The following DUSP22 variants were observed in gnomAD, a reference collection of about 807,000 sequenced individuals.
The protein encoded by DUSP22 is dual specificity protein phosphatase 22.
In DUSP22, 24 loss-of-function variants were observed where a neutral mutation model predicts 24.5. The ratio of observed to expected loss-of-function variants is 0.98; its 90% CI spans 0.71 to 1.38. DUSP22 has a LOEUF of 1.38. Ranked by LOEUF, DUSP22 falls within the 40% of genes most tolerant of loss-of-function variation. The pLI is 0.00. For missense variants in DUSP22, 330 were observed against 269.2 expected (o/e 1.23, Z -1.58); for synonymous variants, 160 against 106.4 (o/e 1.50, Z -3.10).
chr6:304,574 A>G (rs368899941), intron 1 of DUSP22, 54 bp from the exon 2 acceptor site: 411 of 1,613,222 alleles, frequency 2.5e-4, no homozygotes, highest in Non-Finnish European at 3.2e-4. Context: ...CCCTTCTGCA[A>G]TACCATCCAC....
chr6:346,368 G>A (rs1759872403), intron 5 of DUSP22, among the ~76,000 whole-genome samples: 1 of 152,282 alleles, frequency 6.6e-6, no homozygotes, highest in Non-Finnish European at 1.5e-5. Context: ...GCGCTACTGT[G>A]ACACCAGAAT....
chr6:304,602 C>A lies in DUSP22; in HGVS notation c.22-26C>A, dbSNP rs759061678. ...CCATCCACTTAGAGTCTGCCATGCT[C>A]ATGTCTGTGTCTGTCTCTCTCCTAG... On this transcript the variant is annotated intron_variant, in intron 1 of 6. Transcript: ENST00000419235. 4.3e-6 allele frequency: 7 copies of A among 1,614,218 alleles called. No homozygotes were observed. The East Asian group carries it at 1.3e-4, about 31-fold the overall frequency.
chr6:316,341 A>G (rs1272658553), intron 3 of DUSP22, among the ~76,000 whole-genome samples: 3 of 152,308 alleles, frequency 2.0e-5, no homozygotes, highest in South Asian at 2.1e-4. Flanking sequence ...TCATTGCCGC[A>G]TATATTAATT....
chr6:328,898 C>A (rs1056864087), intron 3 of DUSP22, among the ~76,000 whole-genome samples: 1 of 152,306 alleles, frequency 6.6e-6, no homozygotes, highest in Admixed American at 6.5e-5. Context: ...CATAGGCATA[C>A]GTAAGTTTTT....
chr6:296,983 C>T (rs1018420802), intron 1 of DUSP22, among the ~76,000 whole-genome samples: 57 of 152,416 alleles, frequency 3.7e-4, no homozygotes, highest in African/African-American at 7.0e-4. Context: ...CTGTCCTTCT[C>T]GGGAAGCCTC....
At chr6:317,256 C>T (rs1011556254) in intron 3 of DUSP22, among the ~76,000 whole-genome samples, 13 of 152,416 alleles carry the variant, frequency 8.5e-5, no homozygotes, top group South Asian at 2.1e-4. Flanking sequence ...CAGTGCCCAG[C>T]GGCCACGTGG....
intron 4 of DUSP22, among the ~76,000 whole-genome samples, chr6:336,141 T>C (rs983923831): frequency 3.3e-5 from 5 of 152,412 alleles, no homozygotes; most frequent in South Asian, 2.1e-4. Context: ...ACATCTGACT[T>C]GTGCAGGCTG....
chr6:342,222 C>T (rs1256136032), intron 4 of DUSP22, among the ~76,000 whole-genome samples: 11 of 152,302 alleles, frequency 7.2e-5, no homozygotes, highest in South Asian at 2.1e-4. Flanking sequence ...TTTACTCAGG[C>T]GGTCGTCATT....
intron 4 of DUSP22, among the ~76,000 whole-genome samples, chr6:337,705 C>G (rs924900783): frequency 7.2e-5 from 11 of 152,294 alleles, no homozygotes; most frequent in South Asian, 2.1e-4. Context: ...AAAGTCTGGA[C>G]TTTTAGCGCA....
intron 3 of DUSP22, 96 bp downstream of exon 3, chr6:312,058 C>A (rs571057561): frequency 2.3e-6 from 3 of 1,281,520 alleles, no homozygotes; most frequent in Non-Finnish European, 2.2e-6. Context: ...CTCTCCAATG[C>A]GAACGTACTC....
chr6:302,345 TGCAGG>T (rs1255817230), intron 1 of DUSP22, among the ~76,000 whole-genome samples: 25 of 152,300 alleles, frequency 1.6e-4, no homozygotes, highest in African/African-American at 5.8e-4. Context: ...GTGTCTGCTG[TGCAGG>T]ACCAGCTCCT....
At chr6:341,778 G>A (rs1035812728) in intron 4 of DUSP22, among the ~76,000 whole-genome samples, 19 of 152,416 alleles carry the variant, frequency 1.2e-4, no homozygotes, top group East Asian at 1.2e-3. Flanking sequence ...TACTACAGAC[G>A]GAAAGAGCTA....
intron 3 of DUSP22, among the ~76,000 whole-genome samples, chr6:334,688 T>C (rs543722413): frequency 2.0e-4 from 30 of 152,404 alleles, no homozygotes; most frequent in African/African-American, 6.3e-4. Context: ...TGTGACATTA[T>C]AGTTTTCACT....
chr6:292,871 G>A (rs1358081895), intron 1 of DUSP22, among the ~76,000 whole-genome samples: 1 of 152,294 alleles, frequency 6.6e-6, no homozygotes, highest in African/African-American at 2.4e-5. Flanking sequence ...GGTCAGCTGA[G>A]CTCCGAATGG....
At chr6:332,154 C>T (rs1168140978) in intron 3 of DUSP22, among the ~76,000 whole-genome samples, 1 of 152,304 alleles carries the variant, frequency 6.6e-6, no homozygotes, top group Non-Finnish European at 1.5e-5. Flanking sequence ...GCCGGGCACC[C>T]TTGCAGGGAA....
At chr6:348,028 C>A in intron 5 of DUSP22, 75 bp from the exon 6 acceptor site, 1 of 1,585,550 alleles carries the variant, frequency 6.3e-7, no homozygotes, top group Non-Finnish European at 8.6e-7. Flanking sequence ...TAGAGTCCCC[C>A]GCTCCACATG....
intron 1 of DUSP22, among the ~76,000 whole-genome samples, chr6:302,602 A>G (rs1271617498): frequency 1.3e-5 from 2 of 152,306 alleles, no homozygotes; most frequent in African/African-American, 4.8e-5. Flanking sequence ...TCACACCTCT[A>G]CGCTGAGTGC....
intron 3 of DUSP22, among the ~76,000 whole-genome samples, chr6:318,337 T>A (rs937093655): frequency 2.0e-5 from 3 of 152,424 alleles, no homozygotes; most frequent in South Asian, 4.1e-4. Flanking sequence ...GGAAACGCTG[T>A]CACAGACTTC....
chr6:347,254 A>C (rs995865329), intron 5 of DUSP22, among the ~76,000 whole-genome samples: 1 of 152,310 alleles, frequency 6.6e-6, no homozygotes, highest in African/African-American at 2.4e-5. Flanking sequence ...AAGAGCCACT[A>C]CTTGAGAGTG....
Sources: allele counts gnomAD v4.1 joint callset (sites outside exome capture counted in the v4.1 genomes callset), GRCh38; gene constraint gnomAD v4.1.1; transcripts MANE v1.5; gene names NCBI Gene and HGNC (gene_info 2026-07-23, HGNC 2026-07-21).